Variants in MAGI3 observed in about 807,000 individuals in gnomAD.
MAGI3 encodes the protein membrane associated guanylate kinase, WW and PDZ domain containing 3.
In MAGI3, 43 loss-of-function variants were observed where a neutral mutation model predicts 121.8. The ratio of observed to expected loss-of-function variants is 0.35; its 90% CI spans 0.28 to 0.46. The LOEUF (loss-of-function observed/expected upper bound fraction) is 0.46. Among genes scored for constraint, MAGI3 ranks in the 20% least tolerant of loss-of-function variants. The probability of loss-of-function intolerance (pLI) is 1.00; values close to 1 mark genes in which losing one functional copy is unlikely to be tolerated. For synonymous variants in MAGI3, 553 were observed against 639.3 expected (o/e 0.86, Z 2.04); for missense variants, 1,547 against 1,797.3 (o/e 0.86, Z 2.52).
At chr1:113,624,563 A>G (rs1651100403) in intron 9 of MAGI3, among the ~76,000 whole-genome samples, 1 of 151,990 alleles carries the variant, frequency 6.6e-6, no homozygotes, top group Non-Finnish European at 1.5e-5. Flanking sequence ...AGATTATTAG[A>G]TTTTTCCTAT....
chr1:113,466,158 G>C (rs1192842109), intron 1 of MAGI3, among the ~76,000 whole-genome samples: 1 of 152,044 alleles, frequency 6.6e-6, no homozygotes, highest in East Asian at 1.9e-4. Context: ...TTATTATTTT[G>C]AGATATGTTC....
intron 1 of MAGI3, among the ~76,000 whole-genome samples, chr1:113,439,613 T>A (rs1193335123): frequency 6.6e-6 from 1 of 152,176 alleles, no homozygotes; most frequent in Non-Finnish European, 1.5e-5. Context: ...AATGGATTAT[T>A]TCACCTCTCT....
At chr1:113,495,643 G>A (rs756981955) in intron 1 of MAGI3, among the ~76,000 whole-genome samples, 7 of 152,086 alleles carry the variant, frequency 4.6e-5, no homozygotes, top group Non-Finnish European at 7.4e-5. Context: ...TACATAGTAA[G>A]AACTAAACCT....
chr1:113,594,428 T>C, intron 5 of MAGI3, 53 bp from the exon 6 acceptor site: 2 of 1,411,820 alleles, frequency 1.4e-6, no homozygotes, highest in Non-Finnish European at 2.0e-6. Context: ...ACTTTTGAAA[T>C]AATTTTCTCC....
chr1:113,518,193 G>A lies in MAGI3; in HGVS notation c.317-31322G>A, dbSNP rs957495454. ...AAGAGTCTATCTTTCTGTTCCCATG[G>A]TGGTTCATTTATGATGACTGAATGA... is the stretch of plus-strand genomic sequence containing the variant. On this transcript the variant is annotated intron_variant, in intron 1 of 20. Transcript: ENST00000307546. Among the ~76,000 whole-genome samples, 8 of 152,110 alleles carry A rather than the reference G, an allele frequency of 5.3e-5. No homozygotes were observed. The East Asian group carries it at 1.4e-3, about 26-fold the overall frequency.
At position 113,639,284 on chromosome 1, in the gene MAGI3, G is replaced by A. The variant is rs556678201; in HGVS notation, c.1361-2627G>A. 5.3e-5 allele frequency among the ~76,000 whole-genome samples: 8 copies of A among 152,326 alleles called. No individual in the cohort carries two copies. In the South Asian group the frequency reaches 6.2e-4, roughly 12 times the overall value. The stretch of plus-strand genomic sequence containing the variant: ...TGGCACTCCCTAGTGAGATGAACCC[G>A]GTACCTCAGATGGAAATGCAGAAAT... On this transcript the variant is annotated intron_variant, in intron 9 of 20. Coordinates refer to ENST00000307546, the MANE Select transcript of MAGI3 (RefSeq NM_001142782.2).
At chr1:113,638,744 A>AC (rs34741549) in intron 9 of MAGI3, among the ~76,000 whole-genome samples, 110,342 of 151,606 alleles carry the variant, frequency 0.73, 40,671 homozygotes, top group African/African-American at 0.77. Flanking sequence ...TGCTAGGAGA[A>AC]CCACTGCTCT....
intron 12 of MAGI3, among the ~76,000 whole-genome samples, chr1:113,648,176 C>T (rs1244325577): frequency 6.6e-6 from 1 of 152,156 alleles, no homozygotes; most frequent in Non-Finnish European, 1.5e-5. Context: ...CCACCTCGGC[C>T]TCCCAAAGTG....
intron 16 of MAGI3, among the ~76,000 whole-genome samples, chr1:113,659,790 C>T (rs561305810): frequency 1.2e-4 from 18 of 152,252 alleles, no homozygotes; most frequent in African/African-American, 4.1e-4. Flanking sequence ...GTGGAGTCTC[C>T]CAAACATGTT....
rs142719043 is a variant in MAGI3, at chr1:113,442,452, T to C, written c.316+51103T>C. ...TTGGCAGTATCTAGTCTACCATATG[T>C]GTTACTGAAGAATTGGTTTTATTGT... On this transcript the variant is annotated intron_variant, in intron 1 of 20. Transcript: ENST00000307546. 2.5e-4 allele frequency among the ~76,000 whole-genome samples: 38 copies of C among 152,272 alleles called. 1 individual carries two copies. Among genetic ancestry groups the C allele is most frequent in the South Asian group, 1.7e-3 (8 of 4,830 alleles).
At chr1:113,636,237 T>C (rs1217196) in intron 9 of MAGI3, among the ~76,000 whole-genome samples, 1,837 of 152,044 alleles carry the variant, frequency 0.012, 42 homozygotes, top group African/African-American at 0.042. Context: ...TTCAGTTCTG[T>C]TCTGATTTTA....
rs1653648696 is a variant in MAGI3, at chr1:113,659,226, G to A, written c.2776G>A (p.Ala926Thr). Residue 926 changes from alanine (A) to threonine (T), a missense_variant, in exon 16 of 21, where the codon GCT (alanine) becomes ACT (threonine). Ala to Thr is a moderately conservative substitution (Grantham distance 58). Coordinates refer to ENST00000307546, the MANE Select transcript of MAGI3 (RefSeq NM_001142782.2). Reference sequence around the variant, plus strand: ...TAACATTGTTCAGCTGATCAAAGATGCTGGTGTCACCGTCACACTAACGGT... The same window carrying A: ...TAACATTGTTCAGCTGATCAAAGATACTGGTGTCACCGTCACACTAACGGT... ...HDNIVQLIKDAGVTVTLTVIA... is the reference protein window; with the variant it reads ...HDNIVQLIKDTGVTVTLTVIA... The A allele has an allele frequency of 1.2e-6, 2 of 1,614,056 alleles. No individual in the cohort carries two copies. The highest frequency in any genetic ancestry group is 1.3e-5 in the African/African-American group (1 of 75,044).
rs541007089 is a variant in MAGI3, at chr1:113,427,080, A to T, written c.316+35731A>T. Among the ~76,000 whole-genome samples, 767 of 152,210 alleles carry T rather than the reference A, an allele frequency of 5.0e-3. 1 individual carries two copies. The highest frequency in any genetic ancestry group is 7.5e-3 in the Non-Finnish European group (510 of 68,012). On this transcript the variant is annotated intron_variant, in intron 1 of 20. Transcript: ENST00000307546. ...TAGGTTTAGCATGAAATCCTGCCAC[A>T]TTTTGTGGGCTGTGATTTCAATGAT...
At chr1:113,404,103 TA>T (rs1490935432) in intron 1 of MAGI3, 9 of 152,134 alleles carry the variant, frequency 5.9e-5, no homozygotes, top group Admixed American at 3.3e-4. Flanking sequence ...CCACCTCCCA[TA>T]ACTGCTGCTG....
chr1:113,479,593 T>G (rs1310266999), intron 1 of MAGI3, among the ~76,000 whole-genome samples: 1 of 152,242 alleles, frequency 6.6e-6, no homozygotes, highest in Non-Finnish European at 1.5e-5. Flanking sequence ...TTATTATTAA[T>G]CTATTTCAGG....
chr1:113,621,775 G>C (rs867359575), intron 8 of MAGI3, among the ~76,000 whole-genome samples: 3 of 150,956 alleles, frequency 2.0e-5, no homozygotes, highest in Non-Finnish European at 4.4e-5. Flanking sequence ...TAATAATAAA[G>C]AGCAATAAAG....
rs531259217 is a variant in MAGI3, at chr1:113,548,822, A to G, written c.317-693A>G. Among the ~76,000 whole-genome samples, 4 of 152,370 alleles carry G rather than the reference A, an allele frequency of 2.6e-5. No individual in the cohort carries two copies. The South Asian group carries it at 8.3e-4, about 32-fold the overall frequency. On this transcript the variant is annotated intron_variant, in intron 1 of 20. Transcript: ENST00000307546. The stretch of plus-strand genomic sequence containing the variant: ...GATTAGAAGGCTGGGACAGAATTCC[A>G]GATGAGGAATCAGTGGTGGCTTAGA...
intron 1 of MAGI3, among the ~76,000 whole-genome samples, chr1:113,424,962 C>T (rs528279924): frequency 1.3e-5 from 2 of 151,794 alleles, no homozygotes; most frequent in South Asian, 2.1e-4. Context: ...GGTGAAACCC[C>T]GTCTCTACTA....
At chr1:113,405,932 T>C (rs1307083253) in intron 1 of MAGI3, among the ~76,000 whole-genome samples, 2 of 152,110 alleles carry the variant, frequency 1.3e-5, no homozygotes, top group African/African-American at 4.8e-5. Flanking sequence ...CTCTTTTCTG[T>C]TGTGTTTGGT....
Sources: allele counts gnomAD v4.1 joint callset (sites outside exome capture counted in the v4.1 genomes callset), GRCh38; gene constraint gnomAD v4.1.1; transcripts MANE v1.5; gene names NCBI Gene and HGNC (gene_info 2026-07-23, HGNC 2026-07-21).